SEC14L6: variants seen among roughly 807,000 people sequenced by gnomAD.
SEC14L6 encodes SEC14 like lipid binding 6.
SEC14L6 carries 40 observed loss-of-function variants against 54.1 expected under a neutral mutation model. That is an observed-to-expected ratio of 0.74 (90% CI 0.57 to 0.96). SEC14L6 has a LOEUF of 0.96. SEC14L6 is among the 40% of genes least tolerant of loss of function. SEC14L6 has a pLI of 0.00. For missense variants in SEC14L6, 471 were observed against 498.3 expected, an observed-to-expected ratio of 0.95 and a Z score of 0.52; for synonymous variants, 171 against 198.4, an observed-to-expected ratio of 0.86 and a Z score of 1.16.
intron 11 of SEC14L6, 67 bp downstream of exon 11, chr22:30,525,283 G>T (rs1208067178): frequency 6.5e-7 from 1 of 1,548,008 alleles, no homozygotes; most frequent in Non-Finnish European, 8.8e-7. Flanking sequence ...GTAGGACCTG[G>T]ATGCACATTG....
chr22:30,546,529 G>A, intron 1 of SEC14L6, 100 bp downstream of exon 1: 1 of 1,122,216 alleles, frequency 8.9e-7, no homozygotes, highest in Non-Finnish European at 1.3e-6. Context: ...GAGACCCAGA[G>A]CTGGAGAGTT....
At chr22:30,532,160 G>A (rs1273486865) in intron 5 of SEC14L6, 162 bp from the exon 6 acceptor site, 22 of 985,276 alleles carry the variant, frequency 2.2e-5, no homozygotes, top group East Asian at 1.1e-4. Context: ...TGCCAGGACC[G>A]GAGTGACCCA....
intron 8 of SEC14L6, among the ~76,000 whole-genome samples, chr22:30,528,004 G>T (rs1410856579): frequency 6.6e-6 from 1 of 151,390 alleles, no homozygotes; most frequent in Non-Finnish European, 1.5e-5. Context: ...CTCTGAAAAA[G>T]ATAGTGTTAA....
chr22:30,544,300 G>A (rs959533212), intron 1 of SEC14L6: 15 of 436,974 alleles, frequency 3.4e-5, no homozygotes, highest in African/African-American at 2.0e-4. Context: ...GGAGGCTGAC[G>A]TTGCCAAACC....
chr22:30,532,319 G>T, intron 5 of SEC14L6: 1 of 973,616 alleles, frequency 1.0e-6, no homozygotes, highest in Non-Finnish European at 1.2e-6. Flanking sequence ...GGGCTTTGGG[G>T]CCAATTGGGG....
Position 30,529,083 on chromosome 22 carries a change from T to C in SEC14L6, c.664+4A>G. 6.5e-7 allele frequency: 1 copy of C among 1,549,728 alleles called. No individual in the cohort carries two copies. The highest frequency in any genetic ancestry group is 1.2e-5 in the South Asian group (1 of 84,006). ...GGAAAAGAGGCCGCAGAGGGCTCAC[T>C]CACCTCCGAGAATCACCACCTTCCT... On this transcript the variant is annotated splice_donor_region_variant and intron_variant, in intron 8 of 11. Transcript: ENST00000402034.
At chr22:30,526,724 A>G (rs528668122) in intron 8 of SEC14L6, among the ~76,000 whole-genome samples, 1 of 152,134 alleles carries the variant, frequency 6.6e-6, no homozygotes, top group South Asian at 2.1e-4. Context: ...GTGAAACCCC[A>G]TCTCATAAAT....
chr22:30,543,695 T>A, intron 1 of SEC14L6: 1 of 1,610,582 alleles, frequency 6.2e-7, no homozygotes, highest in Non-Finnish European at 8.5e-7. Flanking sequence ...TATATTGTGG[T>A]GGGCGTGGTG....
intron 3 of SEC14L6, among the ~76,000 whole-genome samples, chr22:30,533,438 T>C (rs1031609137): frequency 3.9e-5 from 6 of 152,014 alleles, no homozygotes; most frequent in Non-Finnish European, 5.9e-5. Flanking sequence ...CTGTCTCTAC[T>C]AAAAATACAA....
chr22:30,529,136 G>T lies in SEC14L6; in HGVS notation c.615C>A (p.Val205=). ...GTGTCTCTTCACTCATGTAAGACTT[G>T]ACCAGGTTGAAGGCTACGGCGAATA... ...PKLFAVAFNL[V]KSYMSEETRR... is the part of the protein sequence containing the mutation. The change falls in exon 8 of 12, where the codon GTC becomes GTA. Residue 205 remains valine, a synonymous_variant. Transcript: ENST00000402034. 1.3e-6 allele frequency: 2 copies of T among 1,551,174 alleles called. No individual in the cohort carries two copies. Among genetic ancestry groups the T allele is most frequent in the South Asian group, 2.4e-5 (2 of 83,992 alleles).
Position 30,525,536 on chromosome 22 carries a change from C to G in SEC14L6, c.912-17G>C. 6.2e-7 allele frequency: 1 copy of G among 1,611,992 alleles called. No individual in the cohort carries two copies. Among genetic ancestry groups the G allele is most frequent in the Non-Finnish European group, 8.5e-7 (1 of 1,178,218 alleles). ...AACTGCCACCTGCAGTGGATAGAGCCCCATTGGCGACCCCCTGCCTGGGCT... is the reference window on the plus strand; with the variant it reads ...AACTGCCACCTGCAGTGGATAGAGCGCCATTGGCGACCCCCTGCCTGGGCT... On this transcript the variant is annotated splice_polypyrimidine_tract_variant and intron_variant, in intron 10 of 11. Coordinates refer to ENST00000402034, the MANE Select transcript of SEC14L6 (RefSeq NM_001193336.4).
At chr22:30,542,883 T>C in intron 1 of SEC14L6, 5 of 1,600,678 alleles carry the variant, frequency 3.1e-6, no homozygotes, top group Non-Finnish European at 4.3e-6. Flanking sequence ...ACATGGACTT[T>C]TCCATCTGCA....
At chr22:30,543,271 T>A (rs2085756951) in intron 1 of SEC14L6, 14 of 1,587,882 alleles carry the variant, frequency 8.8e-6, no homozygotes, top group Non-Finnish European at 1.0e-5. Flanking sequence ...CCACGTCACC[T>A]TGCGGGGGGA....
At position 30,524,698 on chromosome 22, in the gene SEC14L6, T is replaced by C. The variant is rs1394043030; in HGVS notation, c.*299A>G. On this transcript the variant is annotated 3_prime_UTR_variant, in exon 12 of 12. Coordinates refer to ENST00000402034, the MANE Select transcript of SEC14L6 (RefSeq NM_001193336.4). ...GGCCTAATACTATATTTTAGAAGAG[T>C]AACTTATTTCTTGGTATTGGTTGAT... 3.6e-6 allele frequency: 1 copy of C among 281,052 alleles called. No individual in the cohort carries two copies. Among genetic ancestry groups the C allele is most frequent in the Non-Finnish European group, 6.9e-6 (1 of 145,054 alleles). 17.4% of individuals were successfully genotyped at this position (281,052 alleles called of 1,614,324 possible). A position where few individuals can be genotyped will look rare whatever the true frequency, so the allele number is the denominator to read the frequency against.
rs758143910 is a variant in SEC14L6, at chr22:30,525,753, G to A, written c.772-3C>T. The A allele has an allele frequency of 5.0e-6, 8 of 1,613,910 alleles. No individual in the cohort carries two copies. Among genetic ancestry groups the A allele is most frequent in the Non-Finnish European group, 5.9e-6 (7 of 1,179,872 alleles). ...GGCACCTCACCCCCGTAGTTGATCT[G>A]TGGGTGAAGGGGGTGTGTGGGCACT... On this transcript the variant is annotated splice_polypyrimidine_tract_variant and splice_region_variant and intron_variant, in intron 9 of 11. Coordinates refer to ENST00000402034, the MANE Select transcript of SEC14L6 (RefSeq NM_001193336.4).
chr22:30,543,963 G>A, intron 1 of SEC14L6: 2 of 1,606,078 alleles, frequency 1.2e-6, no homozygotes, highest in Non-Finnish European at 1.7e-6. Context: ...CTGCGTCGGA[G>A]GACACCCTCA....
chr22:30,536,198 A>T (rs1462832244), intron 2 of SEC14L6, among the ~76,000 whole-genome samples: 6 of 152,118 alleles, frequency 3.9e-5, no homozygotes, highest in Non-Finnish European at 5.9e-5. Context: ...CCAGGCTCAG[A>T]GGCAAGTTGC....
intron 1 of SEC14L6, chr22:30,543,161 T>C: frequency 6.2e-7 from 1 of 1,603,854 alleles, no homozygotes. Flanking sequence ...CAGACCAACG[T>C]GGACCCCGCA....
chr22:30,534,053 C>T lies in SEC14L6; in HGVS notation c.131-14G>A. The T allele has an allele frequency of 6.4e-7, 1 of 1,550,878 alleles. No homozygotes were observed. Among genetic ancestry groups the T allele is most frequent in the South Asian group, 1.2e-5 (1 of 84,048 alleles). ...CAAAGCTCCGAGCTGCAACAAGAGA[C>T]AGGGTTATGGTTGTGGAATTCTAGA... On this transcript the variant is annotated splice_polypyrimidine_tract_variant and intron_variant, in intron 2 of 11. Transcript: ENST00000402034.
Sources: allele counts gnomAD v4.1 joint callset (sites outside exome capture counted in the v4.1 genomes callset), GRCh38; gene constraint gnomAD v4.1.1; transcripts MANE v1.5; gene names NCBI Gene and HGNC (gene_info 2026-07-23, HGNC 2026-07-21).